The following CCNF variants were observed in gnomAD, a reference collection of about 807,000 sequenced individuals.
The protein encoded by CCNF is cyclin-F.
A neutral mutation model predicts 85.4 loss-of-function variants in CCNF; 30 were observed. That is an observed-to-expected ratio of 0.35 (90% CI 0.26 to 0.48). The LOEUF is 0.48. Ranked by LOEUF, CCNF falls within the 20% of genes least tolerant of loss-of-function variation. CCNF has a pLI of 0.99. For missense variants in CCNF, 919 were observed against 1,010.4 expected (o/e 0.91, Z 1.23); for synonymous variants, 439 against 425.1 (o/e 1.03, Z -0.40).
Position 2,439,845 on chromosome 16 carries a change from A to G in CCNF, c.777+19A>G, listed in dbSNP as rs1169135973. ...AGCGCAGGTGAGGTGCGGGGCTGGG[A>G]TGACGTGGGGAGCTGGCCTTTCTCC... On this transcript the variant is annotated intron_variant, in intron 8 of 16. Transcript: ENST00000397066. 6.2e-7 allele frequency: 1 copy of G among 1,609,650 alleles called. No homozygotes were observed. Among genetic ancestry groups the G allele is most frequent in the South Asian group, 1.1e-5 (1 of 90,944 alleles).
At chr16:2,442,835 A>T (rs1339163816) in intron 8 of CCNF, among the ~76,000 whole-genome samples, 1 of 86,406 alleles carries the variant, frequency 1.2e-5, no homozygotes, top group Non-Finnish European at 2.0e-5. Flanking sequence ...ATGTAATATT[A>T]TATTCTATTA....
intron 10 of CCNF, among the ~76,000 whole-genome samples, chr16:2,447,868 T>G (rs1321790125): frequency 6.6e-6 from 1 of 152,130 alleles, no homozygotes; most frequent in Non-Finnish European, 1.5e-5. Context: ...ACTGACATCT[T>G]GTCTTTTTGG....
In CCNF at chr16:2,456,902, TAC is replaced by T; in HGVS notation, c.2245_2246del (p.Gln749ValfsTer26). 6.2e-7 allele frequency: 1 copy of T among 1,614,166 alleles called. No individual in the cohort carries two copies. The highest frequency in any genetic ancestry group is 8.5e-7 in the Non-Finnish European group (1 of 1,180,016). On this transcript the variant is annotated frameshift_variant, in exon 17 of 17. Coordinates refer to ENST00000397066, the MANE Select transcript of CCNF (RefSeq NM_001761.3). LOFTEE classifies it low-confidence loss of function (END_TRUNC). This position sits in a 1 kb window ranked among gnomAD's most constrained non-coding sequence, Gnocchi z 4.5. Reference sequence around the variant, plus strand: ...CACCATCAGGCCAGGAAGTCATGTTTACAGTGTCGTCCCCCAAGTCCCCCGGA... The same window carrying T: ...CACCATCAGGCCAGGAAGTCATGTTTAGTGTCGTCCCCCAAGTCCCCCGGA...
chr16:2,453,180 C>T lies in CCNF; in HGVS notation c.1488-30C>T. On this transcript the variant is annotated intron_variant, in intron 13 of 16. Coordinates refer to ENST00000397066, the MANE Select transcript of CCNF (RefSeq NM_001761.3). The surrounding 1 kb of genome is among the most constrained non-coding windows in gnomAD (Gnocchi z 5.6). Reference sequence around the variant, plus strand: ...CTAAAAATGGGGTGGGGGTGCCTCACATGTCCACTCCACGTGACTCTGTTT... The same window carrying T: ...CTAAAAATGGGGTGGGGGTGCCTCATATGTCCACTCCACGTGACTCTGTTT... 1 of 1,600,436 alleles carries T rather than the reference C, an allele frequency of 6.2e-7. No homozygotes were observed. The highest frequency in any genetic ancestry group is 2.2e-5 in the East Asian group (1 of 44,810).
At position 2,457,040 on chromosome 16, in the gene CCNF, G is replaced by A. The variant is rs368033051; in HGVS notation, c.*20G>A. On this transcript the variant is annotated 3_prime_UTR_variant, in exon 17 of 17. Transcript: ENST00000397066. Reference sequence around the variant, plus strand: ...CTGTAAGTGTGTCAGCACATTTGCCGCAGTGGATGTGTACTGAGGGGGCTG... The same window carrying A: ...CTGTAAGTGTGTCAGCACATTTGCCACAGTGGATGTGTACTGAGGGGGCTG... 36 of 1,539,468 alleles carry A rather than the reference G, an allele frequency of 2.3e-5. No homozygotes were observed. Among genetic ancestry groups the A allele is most frequent in the South Asian group, 2.0e-4 (16 of 80,768 alleles).
chr16:2,444,109 T>C (rs1567387103), intron 9 of CCNF, among the ~76,000 whole-genome samples: 2 of 151,658 alleles, frequency 1.3e-5, no homozygotes, highest in African/African-American at 2.4e-5. Context: ...TTAGTAGAGA[T>C]GGGGTTTCAC....
chr16:2,450,922 T>C (rs1235356399), intron 13 of CCNF, among the ~76,000 whole-genome samples: 5 of 152,224 alleles, frequency 3.3e-5, no homozygotes, highest in Non-Finnish European at 7.3e-5. Flanking sequence ...TCTGTCTCAC[T>C]GAGAAGATGG....
intron 1 of CCNF, 41 bp downstream of exon 1, chr16:2,429,538 C>T (rs1164627996): frequency 8.1e-7 from 1 of 1,228,380 alleles, no homozygotes; most frequent in Non-Finnish European, 1.0e-6. Flanking sequence ...GCCCCACACC[C>T]CTTCTGCCTG....
intron 16 of CCNF, among the ~76,000 whole-genome samples, chr16:2,455,925 A>G (rs1328832086): frequency 6.6e-6 from 1 of 152,204 alleles, no homozygotes; most frequent in African/African-American, 2.4e-5. Context: ...TAATCCCAGC[A>G]ATTTGAGAGG....
intron 13 of CCNF, among the ~76,000 whole-genome samples, chr16:2,450,225 C>T (rs2065386809): frequency 6.7e-6 from 1 of 148,910 alleles, no homozygotes. Context: ...ACTGGCCAGG[C>T]ATGGTGGCTC....
intron 9 of CCNF, 57 bp downstream of exon 9, chr16:2,443,857 G>T: frequency 6.4e-7 from 1 of 1,551,914 alleles, no homozygotes; most frequent in Non-Finnish European, 8.9e-7. Flanking sequence ...AGCCTCCAGG[G>T]GAAGGGAGCC....
rs1305387277 is a variant in CCNF, at chr16:2,442,801, A to C, written c.778-848A>C. Among the ~76,000 whole-genome samples, 2 of 74,616 alleles carry C rather than the reference A, an allele frequency of 2.7e-5. 1 individual carries two copies. Among genetic ancestry groups the C allele is most frequent in the Admixed American group, 4.9e-4 (2 of 4,102 alleles). The allele number at this position is 74,616 out of a possible 152,430, so 49.0% of individuals were successfully genotyped here. A position where few individuals can be genotyped will look rare whatever the true frequency, so the allele number is the denominator to read the frequency against. On this transcript the variant is annotated intron_variant, in intron 8 of 16. Coordinates refer to ENST00000397066, the MANE Select transcript of CCNF (RefSeq NM_001761.3). The stretch of plus-strand genomic sequence containing the variant: ...TATAATATTATATATTATATTCTAT[A>C]ATATATAATATATTCTATAATATAT...
intron 1 of CCNF, among the ~76,000 whole-genome samples, chr16:2,430,051 G>C (rs1227621378): frequency 2.6e-5 from 4 of 152,214 alleles, no homozygotes; most frequent in African/African-American, 9.7e-5. Flanking sequence ...ATATTTTATG[G>C]AGAGGTCTAT....
rs1267069729 is a variant in CCNF, at chr16:2,441,995, G to GT, written c.778-1650dup. Among the ~76,000 whole-genome samples, 140 of 91,612 alleles carry GT rather than the reference G, an allele frequency of 1.5e-3. 3 individuals are homozygous for GT. Among genetic ancestry groups the GT allele is most frequent in the African/African-American group, 5.4e-3 (121 of 22,210 alleles). The allele number at this position is 91,612 out of a possible 152,430, so 60.1% of individuals were successfully genotyped here. ...TATATATATATATGTTTTTGTTTTT[G>GT]TTTTGTTTTGTTTTGTTTTGTTTTG... On this transcript the variant is annotated intron_variant, in intron 8 of 16. Transcript: ENST00000397066.
chr16:2,439,183 A>G (rs2065307868), intron 6 of CCNF, among the ~76,000 whole-genome samples, 170 bp from the exon 7 acceptor site: 1 of 152,216 alleles, frequency 6.6e-6, no homozygotes. Context: ...CTGTAATCCC[A>G]GCTACTCAGG....
chr16:2,448,624 G>C (rs1404320805), intron 10 of CCNF, among the ~76,000 whole-genome samples: 2 of 152,148 alleles, frequency 1.3e-5, no homozygotes, highest in East Asian at 3.9e-4. Context: ...TTGTTGCCCA[G>C]GGTGGTCTCG....
chr16:2,435,011 T>C (rs1033748845), intron 3 of CCNF, among the ~76,000 whole-genome samples: 3 of 152,062 alleles, frequency 2.0e-5, no homozygotes, highest in Admixed American at 2.0e-4. Flanking sequence ...TCCCAGCACT[T>C]TGGGAGGCCG....
At chr16:2,445,657 T>C in intron 10 of CCNF, 35 bp downstream of exon 10, 4 of 1,596,844 alleles carry the variant, frequency 2.5e-6, no homozygotes, top group Non-Finnish European at 3.4e-6. Flanking sequence ...GGCAGGGACG[T>C]GCTGGCCTTT....
intron 4 of CCNF, chr16:2,436,111 T>A: frequency 2.3e-6 from 1 of 431,642 alleles, no homozygotes; most frequent in Non-Finnish European, 4.2e-6. Context: ...CCCTTTAATT[T>A]CAGTTGGCAA....
Sources: gnomAD v4.1 joint callset for allele counts (sites outside exome capture counted in the v4.1 genomes callset) on GRCh38, gnomAD v4.1.1 for gene constraint, Gnocchi (gnomAD v3.1) non-coding constraint, MANE v1.5 for transcripts, NCBI Gene and HGNC (gene_info 2026-07-23, HGNC 2026-07-21) for gene names.